PRKG1: variants seen among roughly 807,000 people sequenced by gnomAD.
The protein encoded by PRKG1 is protein kinase cGMP-dependent 1, also known as cGMP-dependent protein kinase 1.
In PRKG1, 35 loss-of-function variants were observed where a neutral mutation model predicts 88.1. The observed-to-expected ratio is 0.40, with a 90% CI of 0.30 to 0.53. PRKG1 has a LOEUF of 0.53. PRKG1 is among the 20% of genes least tolerant of loss of function. The pLI, the probability that PRKG1 is intolerant of heterozygous loss-of-function variation, is 0.59. For missense variants in PRKG1, 540 were observed against 839.8 expected, an observed-to-expected ratio of 0.64 and a Z score of 4.41; for synonymous variants, 303 against 292.5, an observed-to-expected ratio of 1.04 and a Z score of -0.37.
chr10:51,149,476 A>C (rs1235537709), intron 1 of PRKG1, among the ~76,000 whole-genome samples: 1 of 152,112 alleles, frequency 6.6e-6, no homozygotes, highest in African/African-American at 2.4e-5. Context: ...TTTTCTTTAC[A>C]TTCAGAAATT....
chr10:52,173,654 G>A (rs1214522160), intron 9 of PRKG1, among the ~76,000 whole-genome samples: 1 of 152,140 alleles, frequency 6.6e-6, no homozygotes, highest in Admixed American at 6.5e-5. Flanking sequence ...TAAATTGCAA[G>A]CATTAGTCAA....
intron 3 of PRKG1, among the ~76,000 whole-genome samples, chr10:51,760,621 G>A (rs1837995706): frequency 1.3e-5 from 2 of 151,910 alleles, no homozygotes; most frequent in South Asian, 4.2e-4. Context: ...ACAGGCATGT[G>A]CCATCACACC....
intron 2 of PRKG1, among the ~76,000 whole-genome samples, chr10:51,241,343 T>C (rs1031412422): frequency 6.6e-6 from 1 of 151,778 alleles, no homozygotes; most frequent in African/African-American, 2.4e-5. Context: ...CTTTAGCTAA[T>C]TGCTTCTCTT....
chr10:51,089,013 T>C (rs538473007), intron 1 of PRKG1, among the ~76,000 whole-genome samples: 11 of 152,316 alleles, frequency 7.2e-5, no homozygotes, highest in Admixed American at 2.6e-4. Flanking sequence ...ATGGTCATGA[T>C]AATCCCTATC....
At chr10:51,832,766 G>T (rs376921709) in intron 4 of PRKG1, among the ~76,000 whole-genome samples, 1 of 152,200 alleles carries the variant, frequency 6.6e-6, no homozygotes, top group African/African-American at 2.4e-5. Flanking sequence ...TAGAAGATTG[G>T]GGCTTCTCTG....
At chr10:51,386,980 G>A (rs990129923) in intron 2 of PRKG1, among the ~76,000 whole-genome samples, 5 of 152,120 alleles carry the variant, frequency 3.3e-5, no homozygotes, top group Admixed American at 6.6e-5. Flanking sequence ...TCATAAAGAG[G>A]AGTGTCCTCA....
At chr10:51,670,750 AAATAAAT>A (rs1564599539) in intron 3 of PRKG1, among the ~76,000 whole-genome samples, 11 of 72,320 alleles carry the variant, frequency 1.5e-4, no homozygotes, top group African/African-American at 4.4e-4. Context: ...AAAAATAAAT[AAATAAAT>A]AAATAAATAA....
At chr10:51,309,650 A>G (rs1051670220) in intron 2 of PRKG1, among the ~76,000 whole-genome samples, 6 of 152,024 alleles carry the variant, frequency 3.9e-5, no homozygotes, top group Non-Finnish European at 7.4e-5. Flanking sequence ...TATTGAGAAT[A>G]TAAGTTAGAA....
chr10:51,584,265 A>T (rs1838117175), intron 3 of PRKG1, among the ~76,000 whole-genome samples: 1 of 152,062 alleles, frequency 6.6e-6, no homozygotes, highest in South Asian at 2.1e-4. Context: ...TCAATTAACT[A>T]AAGTGATTTT....
intron 3 of PRKG1, among the ~76,000 whole-genome samples, chr10:51,508,872 A>C (rs140610148): frequency 6.6e-6 from 1 of 152,300 alleles, no homozygotes; most frequent in East Asian, 1.9e-4. Context: ...TTTAAATCCC[A>C]TTTTATTATT....
At chr10:51,299,424 T>C (rs1240932489) in intron 2 of PRKG1, 1 of 392,020 alleles carries the variant, frequency 2.6e-6, no homozygotes, top group Admixed American at 3.2e-5. Flanking sequence ...CAGGCTGGTC[T>C]TGAACTCCTG....
chr10:51,365,422 T>C (rs1044474548), intron 2 of PRKG1, among the ~76,000 whole-genome samples: 4 of 151,942 alleles, frequency 2.6e-5, no homozygotes, highest in African/African-American at 9.7e-5. Context: ...TATAATGTCA[T>C]GAGATAAGAG....
chr10:51,970,048 A>ACC (rs1380607244), intron 5 of PRKG1, among the ~76,000 whole-genome samples: 13 of 133,810 alleles, frequency 9.7e-5, no homozygotes, highest in African/African-American at 3.3e-4. Flanking sequence ...ACACACACAC[A>ACC]CACCCATATT....
At chr10:51,788,101 T>C (rs1265828247) in intron 3 of PRKG1, among the ~76,000 whole-genome samples, 2 of 152,240 alleles carry the variant, frequency 1.3e-5, no homozygotes, top group East Asian at 3.9e-4. Flanking sequence ...AAGGAGTATG[T>C]TTAGTGTGTT....
chr10:51,160,645 C>T (rs1253342739), intron 2 of PRKG1, among the ~76,000 whole-genome samples: 2 of 152,066 alleles, frequency 1.3e-5, no homozygotes, highest in Non-Finnish European at 2.9e-5. Flanking sequence ...GAAATGGTAC[C>T]TCGTGATCTT....
intron 5 of PRKG1, among the ~76,000 whole-genome samples, chr10:52,009,871 A>G (rs1844837396): frequency 6.6e-6 from 1 of 152,140 alleles, no homozygotes; most frequent in Non-Finnish European, 1.5e-5. Context: ...AATGTTGCAC[A>G]CCTACAACCA....
At chr10:51,117,784 T>C (rs1845163494) in intron 1 of PRKG1, among the ~76,000 whole-genome samples, 1 of 152,224 alleles carries the variant, frequency 6.6e-6, no homozygotes, top group Non-Finnish European at 1.5e-5. Flanking sequence ...ATAAAATACA[T>C]TATGTAACAG....
At chr10:51,798,598 G>A (rs946929764) in intron 3 of PRKG1, among the ~76,000 whole-genome samples, 4 of 152,064 alleles carry the variant, frequency 2.6e-5, no homozygotes, top group South Asian at 2.1e-4. Flanking sequence ...CTGGGACTCA[G>A]CCTGGTACAT....
At chr10:51,745,392 G>T (rs1354094801) in intron 3 of PRKG1, among the ~76,000 whole-genome samples, 1 of 152,074 alleles carries the variant, frequency 6.6e-6, no homozygotes, top group Admixed American at 6.5e-5. Flanking sequence ...AAGATTTCTT[G>T]TGTACCTTCT....
Sources: allele counts gnomAD v4.1 joint callset (sites outside exome capture counted in the v4.1 genomes callset), GRCh38; gene constraint gnomAD v4.1.1; transcripts MANE v1.5; gene names NCBI Gene and HGNC (gene_info 2026-07-23, HGNC 2026-07-21).